Variants in RPGRIP1L observed in about 807,000 individuals in gnomAD.
RPGRIP1L encodes protein fantom.
A neutral mutation model predicts 160.4 loss-of-function variants in RPGRIP1L; 131 were observed. The ratio of observed to expected loss-of-function variants is 0.82; its 90% confidence interval spans 0.71 to 0.94. RPGRIP1L has a LOEUF of 0.94. Among genes scored for constraint, RPGRIP1L ranks in the 40% least tolerant of loss-of-function variants. RPGRIP1L has a pLI of 0.00. For missense variants in RPGRIP1L, 1,522 were observed against 1,535.8 expected (o/e 0.99, Z 0.15); for synonymous variants, 510 against 515.8 (o/e 0.99, Z 0.15).
Position 53,619,081 on chromosome 16 carries a change from G to T in RPGRIP1L, c.3560C>A (p.Pro1187His), listed in dbSNP as rs763135522. 1 of 1,613,880 alleles carries T rather than the reference G, an allele frequency of 6.2e-7. No homozygotes were observed. Among genetic ancestry groups the T allele is most frequent in the Non-Finnish European group, 8.5e-7 (1 of 1,179,844 alleles). The change falls in exon 24 of 27, where the codon CCC (proline) becomes CAC (histidine). Residue 1187 changes from proline (P) to histidine (H), a missense_variant. Coordinates refer to ENST00000647211, the MANE Select transcript of RPGRIP1L (RefSeq NM_015272.5). ...RFYSLPAEET[P>H]VSLPKPKSGQ... ...ACTCTTGGGTTTTGGAAGTGACACG[G>T]GTGTCTCTTCAGCAGGAAGACTGTA...
At chr16:53,631,124 T>G (rs1255210638) in intron 22 of RPGRIP1L, among the ~76,000 whole-genome samples, 1 of 152,282 alleles carries the variant, frequency 6.6e-6, no homozygotes, top group Non-Finnish European at 1.5e-5. Context: ...ACTGATAAGA[T>G]ATCATATTTG....
At chr16:53,649,190 G>A in intron 15 of RPGRIP1L, 75 bp from the exon 16 acceptor site, 1 of 1,204,728 alleles carries the variant, frequency 8.3e-7, no homozygotes, top group Non-Finnish European at 1.2e-6. Context: ...ATACATCAAT[G>A]GCATTATGCA....
intron 2 of RPGRIP1L, among the ~76,000 whole-genome samples, chr16:53,699,719 G>C (rs1202120447): frequency 3.3e-5 from 5 of 151,860 alleles, no homozygotes; most frequent in Non-Finnish European, 1.5e-5. Flanking sequence ...ATGGCAGGCT[G>C]AGGCAGGAGA....
intron 25 of RPGRIP1L, 52 bp downstream of exon 25, chr16:53,610,915 C>T (rs764638024): frequency 2.5e-5 from 34 of 1,376,690 alleles, no homozygotes; most frequent in Non-Finnish European, 3.4e-5. Flanking sequence ...TGTCCTGCTA[C>T]AGAGATCTAC....
chr16:53,631,900 A>T (rs1442753071), intron 22 of RPGRIP1L, among the ~76,000 whole-genome samples: 3 of 152,208 alleles, frequency 2.0e-5, no homozygotes, highest in Admixed American at 6.5e-5. Flanking sequence ...ACATTATGTT[A>T]ATGACTTGAT....
chr16:53,691,098 A>T (rs1171381411), intron 4 of RPGRIP1L, among the ~76,000 whole-genome samples: 2 of 151,548 alleles, frequency 1.3e-5, no homozygotes, highest in Non-Finnish European at 2.9e-5. Context: ...TTCTGTTCAT[A>T]GTGGTTTTTC....
intron 2 of RPGRIP1L, among the ~76,000 whole-genome samples, chr16:53,698,949 G>A (rs1233459695): frequency 1.3e-5 from 2 of 152,142 alleles, no homozygotes; most frequent in Admixed American, 6.5e-5. Flanking sequence ...AATAGAAAGC[G>A]GGGAAAGGTG....
At position 53,698,827 on chromosome 16, in the gene RPGRIP1L, C is replaced by T. The variant is rs555297196; in HGVS notation, c.85+1812G>A. 6.1e-3 allele frequency among the ~76,000 whole-genome samples: 905 copies of T among 148,942 alleles called. 17 individuals carry two copies. The highest frequency in any genetic ancestry group is 0.053 in the Admixed American group (799 of 15,102). On this transcript the variant is annotated intron_variant, in intron 2 of 26. Transcript: ENST00000647211. Reference sequence around the variant, plus strand: ...CCGGGAGGTGAGGGGCGCCTCTGCCCGGCCGCCCCTACTGGGAAGTGAGGA... The same window carrying T: ...CCGGGAGGTGAGGGGCGCCTCTGCCTGGCCGCCCCTACTGGGAAGTGAGGA...
intron 24 of RPGRIP1L, among the ~76,000 whole-genome samples, chr16:53,615,472 A>ATT (rs1166401715): frequency 4.5e-4 from 34 of 75,046 alleles, no homozygotes; most frequent in South Asian, 1.6e-3. Flanking sequence ...ATATATATAT[A>ATT]TTTTTTTTTT....
At position 53,648,626 on chromosome 16, in the gene RPGRIP1L, G is replaced by GCGCACACACA. The variant is rs1555602385; in HGVS notation, c.2304+337_2304+338insTGTGTGTGCG. On this transcript the variant is annotated intron_variant, in intron 16 of 26. Transcript: ENST00000647211. ...TACGTACGCGCGTGCGCGCGCGCGC[G>GCGCACACACA]CACACACACACACACACACACACAC... is the stretch of plus-strand genomic sequence containing the variant. Among the ~76,000 whole-genome samples, 295 of 144,080 alleles carry GCGCACACACA rather than the reference G, an allele frequency of 2.0e-3. 1 individual carries two copies. The highest frequency in any genetic ancestry group is 7.0e-3 in the Middle Eastern group (2 of 284). The allele number at this position is 144,080 out of a possible 152,430, so 94.5% of individuals were successfully genotyped here. A position where few individuals can be genotyped will look rare whatever the true frequency, so the allele number is the denominator to read the frequency against.
intron 2 of RPGRIP1L, among the ~76,000 whole-genome samples, chr16:53,699,524 T>C (rs1223159013): frequency 6.6e-6 from 1 of 152,104 alleles, no homozygotes; most frequent in Non-Finnish European, 1.5e-5. Context: ...AGCACAAGAA[T>C]TGAACTTATA....
intron 9 of RPGRIP1L, among the ~76,000 whole-genome samples, chr16:53,670,918 G>T (rs1374255395): frequency 2.0e-5 from 3 of 152,034 alleles, no homozygotes; most frequent in African/African-American, 7.2e-5. Flanking sequence ...AACATAGAAA[G>T]AACTCGTCAC....
At chr16:53,660,607 T>G (rs1261066329) in intron 10 of RPGRIP1L, among the ~76,000 whole-genome samples, 1 of 151,884 alleles carries the variant, frequency 6.6e-6, no homozygotes, top group Non-Finnish European at 1.5e-5. Context: ...AGAGACATTT[T>G]ACATCAAGGC....
chr16:53,645,921 A>T lies in RPGRIP1L; in HGVS notation c.2387T>A (p.Ile796Lys), dbSNP rs751810873. 1 of 1,614,124 alleles carries T rather than the reference A, an allele frequency of 6.2e-7. No individual in the cohort carries two copies. The highest frequency in any genetic ancestry group is 2.2e-5 in the East Asian group (1 of 44,868). Residue 796 changes from isoleucine (I) to lysine (K), a missense_variant, in exon 17 of 27, where the codon ATA becomes AAA. Ile to Lys is a moderately radical substitution (Grantham distance 102). Transcript: ENST00000647211. Reference sequence around the variant, plus strand: ...GGACTGCAGGTGGTTGCAACATCTTATTGTAATGTGAAGTTCATTTAAGTT... The same window carrying T: ...GGACTGCAGGTGGTTGCAACATCTTTTTGTAATGTGAAGTTCATTTAAGTT... The part of the protein sequence containing the change: ...DGNLNELHIT[I>K]RCCNHLQSRA...
intron 14 of RPGRIP1L, among the ~76,000 whole-genome samples, chr16:53,654,641 C>T (rs1242253568): frequency 6.6e-6 from 1 of 152,146 alleles, no homozygotes; most frequent in African/African-American, 2.4e-5. Context: ...GAGGGTAGTG[C>T]CTCAGTTTTT....
At chr16:53,658,347 A>T (rs1195048668) in intron 12 of RPGRIP1L, 67 bp downstream of exon 12, 2 of 1,108,158 alleles carry the variant, frequency 1.8e-6, no homozygotes, top group Non-Finnish European at 2.8e-6. Flanking sequence ...GTTACAGATA[A>T]GGGTCATCAT....
At chr16:53,680,346 C>T (rs557034148) in intron 6 of RPGRIP1L, among the ~76,000 whole-genome samples, 4 of 152,116 alleles carry the variant, frequency 2.6e-5, no homozygotes, top group African/African-American at 9.6e-5. Flanking sequence ...CCCAGTTACC[C>T]CTCCATCAGA....
chr16:53,663,017 T>C (rs1287605199), intron 10 of RPGRIP1L, among the ~76,000 whole-genome samples: 9 of 151,948 alleles, frequency 5.9e-5, no homozygotes, highest in Admixed American at 4.6e-4. Flanking sequence ...TTTTACAATA[T>C]AGCAAAAAAA....
chr16:53,630,715 T>G (rs1965466307), intron 22 of RPGRIP1L, among the ~76,000 whole-genome samples: 1 of 152,140 alleles, frequency 6.6e-6, no homozygotes, highest in South Asian at 2.1e-4. Flanking sequence ...ATTTCCAGTT[T>G]GACATAAAAT....
Sources: allele counts gnomAD v4.1 joint callset (sites outside exome capture counted in the v4.1 genomes callset), GRCh38; gene constraint gnomAD v4.1.1; transcripts MANE v1.5; gene names NCBI Gene and HGNC (gene_info 2026-07-23, HGNC 2026-07-21).